NUSAP1: variants seen among roughly 807,000 people sequenced by gnomAD.
NUSAP1 encodes nucleolar and spindle associated protein 1, also known as nucleolar and spindle-associated protein 1.
NUSAP1 carries 32 observed loss-of-function variants against 52.8 expected under a neutral mutation model. That is an observed-to-expected ratio of 0.61 (90% CI 0.46 to 0.81). The LOEUF is 0.81. NUSAP1 is among the 40% of genes least tolerant of loss of function. The probability of loss-of-function intolerance (pLI) is 0.00; values close to 1 mark genes in which losing one functional copy is unlikely to be tolerated. For missense variants in NUSAP1, 499 were observed against 522.3 expected, an observed-to-expected ratio of 0.96 and a Z score of 0.43; for synonymous variants, 195 against 183.1, an observed-to-expected ratio of 1.06 and a Z score of -0.52.
Position 41,377,234 on chromosome 15 carries a change from T to C in NUSAP1, c.1162T>C (p.Tyr388His). Residue 388 changes from tyrosine (Y) to histidine (H), a missense_variant, in exon 10 of 11, where the codon TAT becomes CAT. Physicochemically the swap from Tyr to His is moderately conservative, Grantham distance 83. Transcript: ENST00000559596. ...KPWGQSKENNYLNQHVNRINF... is the reference protein window; with the variant it reads ...KPWGQSKENNHLNQHVNRINF... ...ATGGGGGCAATCTAAAGAAAATAAT[T>C]ATCTAAATCAACATGTCAACAGAAT... 6.5e-7 allele frequency: 1 copy of C among 1,538,388 alleles called. No homozygotes were observed. Among genetic ancestry groups the C allele is most frequent in the Non-Finnish European group, 8.8e-7 (1 of 1,139,640 alleles).
At position 41,377,299 on chromosome 15, in the gene NUSAP1, G is replaced by A. The variant is rs1275849812; in HGVS notation, c.1227G>A (p.Gln409=). 7.0e-7 allele frequency: 1 copy of A among 1,432,684 alleles called. No individual in the cohort carries two copies. The highest frequency in any genetic ancestry group is 2.5e-5 in the East Asian group (1 of 40,338). 88.7% of individuals were successfully genotyped at this position (1,432,684 alleles called of 1,614,324 possible). The change falls in exon 10 of 11, where the codon CAG becomes CAA. Residue 409 remains glutamine, a synonymous_variant. Transcript: ENST00000559596. ...AAACTTACAAACAACCCCATCTCCA[G>A]ACAAAGTAAGTACATAATTATCCAG... The part of the protein sequence containing the change: ...YKKTYKQPHL[Q]TKEEQRKKRE...
intron 7 of NUSAP1, chr15:41,365,942 G>C (rs979366904): frequency 6.3e-6 from 1 of 157,864 alleles, no homozygotes; most frequent in African/African-American, 2.4e-5. Context: ...GGATGGTTTC[G>C]ATCTCCTGGC....
chr15:41,348,681 C>G (rs1406609391), intron 2 of NUSAP1, among the ~76,000 whole-genome samples: 1 of 152,098 alleles, frequency 6.6e-6, no homozygotes, highest in Non-Finnish European at 1.5e-5. Flanking sequence ...TTCTTGTTGC[C>G]CAGGCTGGAG....
intron 10 of NUSAP1, among the ~76,000 whole-genome samples, chr15:41,377,922 A>G (rs1007162459): frequency 4.6e-5 from 7 of 151,970 alleles, no homozygotes; most frequent in Non-Finnish European, 8.8e-5. Context: ...CCTGGGAGGC[A>G]GAGCTTACAG....
chr15:41,371,687 A>C lies in NUSAP1; in HGVS notation c.1006+3A>C, dbSNP rs2049698485. On this transcript the variant is annotated splice_donor_region_variant and intron_variant, in intron 8 of 10. Transcript: ENST00000559596. ...CATCACGGGGAATTCTGCTGCTGGTAAAAAAAAAAAAAAACAAAAGAAATC... is the reference window on the plus strand; with the variant it reads ...CATCACGGGGAATTCTGCTGCTGGTCAAAAAAAAAAAAAACAAAAGAAATC... 1 of 421,008 alleles carries C rather than the reference A, an allele frequency of 2.4e-6. No individual in the cohort carries two copies. Among genetic ancestry groups the C allele is most frequent in the Non-Finnish European group, 3.5e-6 (1 of 283,040 alleles). The allele number at this position is 421,008 out of a possible 1,614,324, so 26.1% of individuals were successfully genotyped here. A position where few individuals can be genotyped will look rare whatever the true frequency, so the allele number is the denominator to read the frequency against.
At chr15:41,363,162 C>T (rs1422261006) in intron 6 of NUSAP1, among the ~76,000 whole-genome samples, 4 of 151,640 alleles carry the variant, frequency 2.6e-5, no homozygotes, top group South Asian at 2.1e-4. Context: ...TGGCAGATGC[C>T]TGTAATCCCA....
At chr15:41,374,922 A>T (rs1253986215) in intron 8 of NUSAP1, among the ~76,000 whole-genome samples, 6 of 151,540 alleles carry the variant, frequency 4.0e-5, no homozygotes, top group Admixed American at 6.6e-5. Flanking sequence ...GCTCACTGCA[A>T]GCTCCACCTC....
intron 6 of NUSAP1, among the ~76,000 whole-genome samples, chr15:41,363,325 G>C (rs28716108): frequency 0.33 from 48,859 of 145,952 alleles, 8,724 homozygotes; most frequent in African/African-American, 0.46. Flanking sequence ...CTGTGTGTGT[G>C]TCTCTCTCTC....
intron 8 of NUSAP1, among the ~76,000 whole-genome samples, chr15:41,374,358 T>G (rs1384688660): frequency 6.6e-6 from 1 of 152,114 alleles, no homozygotes; most frequent in East Asian, 1.9e-4. Flanking sequence ...TGTTGTATGC[T>G]CATGTGGCAG....
chr15:41,345,604 CAT>C (rs2048536663), intron 2 of NUSAP1: 13 of 312,246 alleles, frequency 4.2e-5, no homozygotes, highest in South Asian at 2.4e-5. Context: ...GGATTACAGG[CAT>C]GCGCCACCAC....
At chr15:41,374,432 AT>A (rs1475415177) in intron 8 of NUSAP1, among the ~76,000 whole-genome samples, 3 of 152,132 alleles carry the variant, frequency 2.0e-5, no homozygotes, top group Admixed American at 2.0e-4. Flanking sequence ...TTCATGACCT[AT>A]TTACCTCCCA....
At chr15:41,376,415 C>T (rs1057287788) in intron 9 of NUSAP1, among the ~76,000 whole-genome samples, 5 of 150,230 alleles carry the variant, frequency 3.3e-5, no homozygotes, top group African/African-American at 9.8e-5. Context: ...AGGCTGGGCG[C>T]GGTGGCTCAC....
At chr15:41,354,050 A>G (rs2048871286) in intron 4 of NUSAP1, among the ~76,000 whole-genome samples, 2 of 152,208 alleles carry the variant, frequency 1.3e-5, no homozygotes, top group African/African-American at 4.8e-5. Context: ...ACCTAACCTA[A>G]TATATACCAT....
chr15:41,376,640 G>A lies in NUSAP1; in HGVS notation c.1124-556G>A, dbSNP rs369508297. 2.4e-4 allele frequency among the ~76,000 whole-genome samples: 36 copies of A among 151,688 alleles called. No individual in the cohort carries two copies. In the East Asian group the frequency reaches 2.5e-3, roughly 11 times the overall value. ...CAGGAGGTGAAGCTTGCAGTGAGCC[G>A]AGACCACACCACTGCACTCCAGCCT... is the stretch of plus-strand genomic sequence containing the variant. On this transcript the variant is annotated intron_variant, in intron 9 of 10. Coordinates refer to ENST00000559596, the MANE Select transcript of NUSAP1 (RefSeq NM_016359.5).
chr15:41,345,509 G>T (rs983682182), intron 2 of NUSAP1: 3 of 413,656 alleles, frequency 7.3e-6, no homozygotes, highest in Non-Finnish European at 1.4e-5. Context: ...GCCCAGGCTG[G>T]AGTGCAATGA....
At chr15:41,361,805 G>A (rs2049189215) in intron 6 of NUSAP1, among the ~76,000 whole-genome samples, 1 of 152,044 alleles carries the variant, frequency 6.6e-6, no homozygotes. Flanking sequence ...TAAGGAACTG[G>A]CCTATCAGAT....
intron 6 of NUSAP1, 127 bp downstream of exon 6, chr15:41,358,385 C>A: frequency 1.7e-6 from 1 of 578,826 alleles, no homozygotes; most frequent in South Asian, 2.2e-5. Context: ...TTTAATATAT[C>A]TTTATCTAAA....
At chr15:41,335,050 CATA>C (rs2048067689) in intron 1 of NUSAP1, among the ~76,000 whole-genome samples, 2 of 151,736 alleles carry the variant, frequency 1.3e-5, no homozygotes, top group East Asian at 3.9e-4. Flanking sequence ...TGAAATTTTC[CATA>C]ATAAGATGTT....
Position 41,368,787 on chromosome 15 carries a change from T to C in NUSAP1, c.849-2740T>C, listed in dbSNP as rs1285460081. Reference sequence around the variant, plus strand: ...TTGCTCTGTCACCCAGGCTGGAGTGTGGTGGCGCAATCTCGGCTCACTACG... The same window carrying C: ...TTGCTCTGTCACCCAGGCTGGAGTGCGGTGGCGCAATCTCGGCTCACTACG... On this transcript the variant is annotated intron_variant, in intron 7 of 10. Coordinates refer to ENST00000559596, the MANE Select transcript of NUSAP1 (RefSeq NM_016359.5). Among the ~76,000 whole-genome samples, 17 of 135,254 alleles carry C rather than the reference T, an allele frequency of 1.3e-4. No homozygotes were observed. In the Admixed American group the frequency reaches 1.3e-3, roughly 10 times the overall value. 88.7% of individuals were successfully genotyped at this position (135,254 alleles called of 152,430 possible).
Sources: allele counts gnomAD v4.1 joint callset (sites outside exome capture counted in the v4.1 genomes callset), GRCh38; gene constraint gnomAD v4.1.1; transcripts MANE v1.5; gene names NCBI Gene and HGNC (gene_info 2026-07-23, HGNC 2026-07-21).